TCF7L2: variants seen among roughly 807,000 people sequenced by gnomAD.
The protein encoded by TCF7L2 is transcription factor 7-like 2.
Under a neutral mutation model 77.9 loss-of-function variants are expected in TCF7L2, and 23 were observed. The ratio of observed to expected loss-of-function variants is 0.30; its 90% CI spans 0.21 to 0.42. The LOEUF is 0.42. Among genes scored for constraint, TCF7L2 ranks in the 10% least tolerant of loss-of-function variants. The pLI is 1.00. For missense variants in TCF7L2, 654 were observed against 793.1 expected, an observed-to-expected ratio of 0.82 and a Z score of 2.11; for synonymous variants, 413 against 340.2, an observed-to-expected ratio of 1.21 and a Z score of -2.36.
intron 5 of TCF7L2, among the ~76,000 whole-genome samples, chr10:113,061,771 G>A (rs376171090): frequency 7.9e-5 from 12 of 152,278 alleles, no homozygotes; most frequent in African/African-American, 2.9e-4. Context: ...TCTTGACAAA[G>A]GGAATTCCCA....
At chr10:113,041,669 C>T (rs2052472789) in intron 5 of TCF7L2, among the ~76,000 whole-genome samples, 1 of 151,932 alleles carries the variant, frequency 6.6e-6, no homozygotes. Context: ...GCAGGTTTCT[C>T]CAAAAGTGAA....
At position 113,081,134 on chromosome 10, in the gene TCF7L2, T is replaced by C. The variant is rs1339112434; in HGVS notation, c.552+41008T>C. Among the ~76,000 whole-genome samples the C allele has an allele frequency of 2.6e-5, 4 of 152,226 alleles. No individual in the cohort carries two copies. In the East Asian group the frequency reaches 7.7e-4, roughly 29 times the overall value. On this transcript the variant is annotated intron_variant, in intron 5 of 13. Coordinates refer to ENST00000627217, the MANE Select transcript of TCF7L2 (RefSeq NM_001146274.2). ...GATCTCCTAATACACCTAGCCCCTA[T>C]GTTGTTTTGACTTTGCAGTCCCATT...
rs564656907 is a variant in TCF7L2 at position 113,109,068 on chromosome 10, C to T, written c.553-32116C>T. On this transcript the variant is annotated intron_variant, in intron 5 of 13. Coordinates refer to ENST00000627217, the MANE Select transcript of TCF7L2 (RefSeq NM_001146274.2). Reference sequence around the variant, plus strand: ...CCGACAGTGTGTATACACAAACACACGCGCGTGCACACATGGGCCACATAA... The same window carrying T: ...CCGACAGTGTGTATACACAAACACATGCGCGTGCACACATGGGCCACATAA... Among the ~76,000 whole-genome samples, 88 of 152,310 alleles carry T rather than the reference C, an allele frequency of 5.8e-4. 1 individual carries two copies. Among genetic ancestry groups the T allele is most frequent in the African/African-American group, 2.1e-3 (87 of 41,570 alleles).
intron 11 of TCF7L2, among the ~76,000 whole-genome samples, chr10:113,157,307 G>A (rs372555679): frequency 2.0e-4 from 31 of 152,046 alleles, no homozygotes; most frequent in African/African-American, 6.8e-4. Context: ...TAGTAGAGAC[G>A]GGGTTTCGCC....
intron 4 of TCF7L2, among the ~76,000 whole-genome samples, chr10:113,001,720 C>G (rs889914036): frequency 6.6e-6 from 1 of 152,170 alleles, no homozygotes; most frequent in African/African-American, 2.4e-5. Context: ...CACCCTTGAT[C>G]ATACTCGTTG....
At chr10:113,103,602 C>A (rs149454447) in intron 5 of TCF7L2, among the ~76,000 whole-genome samples, 4 of 152,188 alleles carry the variant, frequency 2.6e-5, no homozygotes, top group African/African-American at 9.7e-5. Flanking sequence ...CCCCATTTGC[C>A]TGCATTGAGA....
At chr10:113,062,307 C>T (rs1252129958) in intron 5 of TCF7L2, among the ~76,000 whole-genome samples, 2 of 152,194 alleles carry the variant, frequency 1.3e-5, no homozygotes, top group Non-Finnish European at 2.9e-5. Context: ...GGCTGCTTCC[C>T]TCCTCAACTA....
At chr10:112,976,054 C>T (rs749957102) in intron 4 of TCF7L2, among the ~76,000 whole-genome samples, 3 of 152,142 alleles carry the variant, frequency 2.0e-5, no homozygotes, top group South Asian at 2.1e-4. Context: ...TCAGGTATAT[C>T]TATCTGGGTT....
chr10:113,018,649 G>C (rs2047757600), intron 4 of TCF7L2, among the ~76,000 whole-genome samples: 1 of 151,936 alleles, frequency 6.6e-6, no homozygotes, highest in Non-Finnish European at 1.5e-5. Flanking sequence ...TGTATTTTTA[G>C]TAGAGACAGG....
chr10:113,036,679 T>TCTTTCTTC (rs1259144171), intron 4 of TCF7L2, among the ~76,000 whole-genome samples: 1 of 152,028 alleles, frequency 6.6e-6, no homozygotes, highest in Non-Finnish European at 1.5e-5. Flanking sequence ...TTTCTTTCTT[T>TCTTTCTTC]CTTTCTTTCT....
At chr10:112,991,199 G>C (rs923202682) in intron 4 of TCF7L2, among the ~76,000 whole-genome samples, 1 of 152,168 alleles carries the variant, frequency 6.6e-6, no homozygotes, top group South Asian at 2.1e-4. Context: ...CTGTATCCAT[G>C]TGAGGTTGTA....
chr10:113,088,322 C>A (rs1011283401), intron 5 of TCF7L2, among the ~76,000 whole-genome samples: 7 of 152,010 alleles, frequency 4.6e-5, no homozygotes, highest in Non-Finnish European at 7.4e-5. Context: ...GAGCTATATT[C>A]CCCCTCTGCC....
intron 4 of TCF7L2, among the ~76,000 whole-genome samples, chr10:113,005,708 G>A (rs140482120): frequency 1.3e-5 from 2 of 152,046 alleles, no homozygotes; most frequent in Admixed American, 6.5e-5. Flanking sequence ...GGGGTTGGCT[G>A]GGGGGGAGGA....
chr10:112,987,209 G>A (rs2041708197), intron 4 of TCF7L2, among the ~76,000 whole-genome samples: 2 of 152,202 alleles, frequency 1.3e-5, no homozygotes, highest in South Asian at 2.1e-4. Context: ...GAGCTTGACT[G>A]TAGAGTTAGA....
At chr10:113,127,736 A>G (rs1276715292) in intron 5 of TCF7L2, among the ~76,000 whole-genome samples, 2 of 152,006 alleles carry the variant, frequency 1.3e-5, no homozygotes, top group Non-Finnish European at 2.9e-5. Context: ...GAGTAGTGCG[A>G]TGGGATGGCA....
intron 2 of TCF7L2, 79 bp downstream of exon 2, chr10:112,951,352 C>T: frequency 4.1e-6 from 4 of 985,292 alleles, no homozygotes; most frequent in Non-Finnish European, 4.8e-6. Context: ...GGCCCCGCGC[C>T]CGGCTCGGCC....
At chr10:113,035,341 T>C (rs995941257) in intron 4 of TCF7L2, among the ~76,000 whole-genome samples, 1 of 152,256 alleles carries the variant, frequency 6.6e-6, no homozygotes, top group African/African-American at 2.4e-5. Flanking sequence ...CAGGCAGGCC[T>C]CTACAATTTT....
intron 4 of TCF7L2, among the ~76,000 whole-genome samples, chr10:113,008,148 C>G (rs898407376): frequency 6.6e-6 from 1 of 152,220 alleles, no homozygotes; most frequent in African/African-American, 2.4e-5. Flanking sequence ...TTAACATTTT[C>G]TGCAATGCTC....
At chr10:113,109,086 C>A (rs756948520) in intron 5 of TCF7L2, among the ~76,000 whole-genome samples, 1 of 152,194 alleles carries the variant, frequency 6.6e-6, no homozygotes, top group Non-Finnish European at 1.5e-5. Context: ...CACACATGGG[C>A]CACATAACGT....
Sources: allele counts gnomAD v4.1 joint callset (sites outside exome capture counted in the v4.1 genomes callset), GRCh38; gene constraint gnomAD v4.1.1; transcripts MANE v1.5; gene names NCBI Gene and HGNC (gene_info 2026-07-23, HGNC 2026-07-21).